RIMS2: variants seen among roughly 807,000 people sequenced by gnomAD.
The protein encoded by RIMS2 is regulating synaptic membrane exocytosis protein 2.
RIMS2 carries 59 observed loss-of-function variants against 174.4 expected under a neutral mutation model. That is an observed-to-expected ratio of 0.34 (90% confidence interval 0.27 to 0.42). The LOEUF is 0.42. RIMS2 is among the 10% of genes least tolerant of loss of function. The pLI, the probability that RIMS2 is intolerant of heterozygous loss-of-function variation, is 1.00. For missense variants in RIMS2, 1,620 were observed against 1,666.3 expected (o/e 0.97, Z 0.48); for synonymous variants, 606 against 572.5 (o/e 1.06, Z -0.84).
intron 3 of RIMS2, among the ~76,000 whole-genome samples, chr8:103,793,263 A>C (rs1015117554): frequency 1.4e-4 from 22 of 152,220 alleles, no homozygotes; most frequent in African/African-American, 4.8e-4. Flanking sequence ...CCTGGGATGG[A>C]AGGCTGGTTC....
At chr8:104,219,991 T>C in intron 19 of RIMS2, among the ~76,000 whole-genome samples, 1 of 152,300 alleles carries the variant, frequency 6.6e-6, no homozygotes, top group East Asian at 1.9e-4. Flanking sequence ...AAACCAGAAA[T>C]ATTATTTAGA....
chr8:104,165,385 C>T (rs887734585), intron 19 of RIMS2, among the ~76,000 whole-genome samples: 3 of 151,964 alleles, frequency 2.0e-5, no homozygotes, highest in Non-Finnish European at 1.5e-5. Context: ...TTTATTATTC[C>T]TTAGACCTAC....
intron 1 of RIMS2, among the ~76,000 whole-genome samples, chr8:103,690,725 T>C (rs995616180): frequency 6.6e-6 from 1 of 152,248 alleles, no homozygotes; most frequent in African/African-American, 2.4e-5. Context: ...CTATTCAAGA[T>C]ATCAGTAGTT....
intron 19 of RIMS2, among the ~76,000 whole-genome samples, chr8:104,070,680 A>G (rs2097181207): frequency 6.6e-6 from 1 of 152,034 alleles, no homozygotes; most frequent in African/African-American, 2.4e-5. Flanking sequence ...AAGATACTAA[A>G]TTTTTTGTAA....
chr8:104,126,930 G>A (rs978197437), intron 19 of RIMS2, among the ~76,000 whole-genome samples: 2 of 152,170 alleles, frequency 1.3e-5, no homozygotes, highest in African/African-American at 4.8e-5. Context: ...GAGAGGAATG[G>A]CAAGTTTTCA....
chr8:103,727,679 A>G (rs1434274792), intron 2 of RIMS2, among the ~76,000 whole-genome samples: 1 of 152,188 alleles, frequency 6.6e-6, no homozygotes, highest in Non-Finnish European at 1.5e-5. Context: ...CCCCATCACC[A>G]TTTATTGAGG....
In RIMS2 at chr8:103,848,790, A is replaced by G. The variant is rs1263181009; in HGVS notation, c.699-36508A>G. 2.0e-5 allele frequency among the ~76,000 whole-genome samples: 3 copies of G among 152,006 alleles called. No individual in the cohort carries two copies. In the East Asian group the frequency reaches 5.8e-4, roughly 29 times the overall value. On this transcript the variant is annotated intron_variant, in intron 3 of 23. Transcript: ENST00000504942. ...TCTGACAGGACCCTCACTTTACCATAGAAGATTTGCTTAGGCTGAGAATTT... is the reference window on the plus strand; with the variant it reads ...TCTGACAGGACCCTCACTTTACCATGGAAGATTTGCTTAGGCTGAGAATTT...
At chr8:103,658,594 T>A (rs190920863) in intron 1 of RIMS2, among the ~76,000 whole-genome samples, 56 of 152,260 alleles carry the variant, frequency 3.7e-4, no homozygotes, top group African/African-American at 1.3e-3. Context: ...GTTTAAGGAC[T>A]CCCAGTGGAG....
At chr8:103,963,089 T>C (rs938728211) in intron 15 of RIMS2, among the ~76,000 whole-genome samples, 1 of 152,140 alleles carries the variant, frequency 6.6e-6, no homozygotes, top group Non-Finnish European at 1.5e-5. Flanking sequence ...ATTTCCTCTT[T>C]ATAGCCTTTT....
chr8:103,543,226 A>G (rs958516412), intron 1 of RIMS2, among the ~76,000 whole-genome samples: 1 of 152,198 alleles, frequency 6.6e-6, no homozygotes, highest in East Asian at 1.9e-4. Flanking sequence ...TGCAGTAAGA[A>G]TGACGTACTG....
chr8:104,221,818 TGTGCAATG>T (rs2099156717), intron 19 of RIMS2, among the ~76,000 whole-genome samples: 2 of 152,242 alleles, frequency 1.3e-5, no homozygotes, highest in Non-Finnish European at 2.9e-5. Context: ...TAAATTGTGA[TGTGCAATG>T]GACAAACAAA....
chr8:103,704,150 C>T (rs1351477812), intron 2 of RIMS2, among the ~76,000 whole-genome samples: 1 of 148,218 alleles, frequency 6.7e-6, no homozygotes, highest in Non-Finnish European at 1.5e-5. Flanking sequence ...TATTTTCAGG[C>T]ATGTTTCTTT....
chr8:103,618,551 G>A (rs952064234), intron 1 of RIMS2, among the ~76,000 whole-genome samples: 3 of 152,112 alleles, frequency 2.0e-5, no homozygotes, highest in African/African-American at 7.2e-5. Context: ...AGAATGAGAG[G>A]AAGGGAATTA....
chr8:103,736,587 T>C (rs1465755734), intron 2 of RIMS2, among the ~76,000 whole-genome samples: 1 of 152,210 alleles, frequency 6.6e-6, no homozygotes, highest in Non-Finnish European at 1.5e-5. Context: ...TATGTCCAGT[T>C]ATGAATTGGC....
At chr8:103,945,598 A>G (rs2083529577) in intron 14 of RIMS2, among the ~76,000 whole-genome samples, 1 of 152,124 alleles carries the variant, frequency 6.6e-6, no homozygotes. Flanking sequence ...CCATAACCAA[A>G]AGGGATTTAT....
chr8:104,090,563 C>G (rs1279990232), intron 19 of RIMS2, among the ~76,000 whole-genome samples: 2 of 151,632 alleles, frequency 1.3e-5, no homozygotes, highest in African/African-American at 4.8e-5. Context: ...CTTTGGATGT[C>G]AGGATAAGGT....
chr8:103,863,997 C>T (rs2099072874), intron 3 of RIMS2, among the ~76,000 whole-genome samples: 1 of 151,894 alleles, frequency 6.6e-6, no homozygotes, highest in Non-Finnish European at 1.5e-5. Context: ...CAACCTCCGC[C>T]TCCTGGGTTC....
chr8:103,763,635 G>T (rs2140184673), intron 2 of RIMS2, among the ~76,000 whole-genome samples: 1 of 152,218 alleles, frequency 6.6e-6, no homozygotes, highest in Middle Eastern at 3.4e-3. Flanking sequence ...AGTGTGCATA[G>T]CCCAGGCAAT....
At chr8:104,094,285 A>G (rs534295393) in intron 19 of RIMS2, among the ~76,000 whole-genome samples, 7 of 152,178 alleles carry the variant, frequency 4.6e-5, no homozygotes, top group African/African-American at 1.4e-4. Flanking sequence ...AAAAACTATT[A>G]CAATTAAGTG....
Sources: gnomAD v4.1 joint callset for allele counts (sites outside exome capture counted in the v4.1 genomes callset) on GRCh38, gnomAD v4.1.1 for gene constraint, MANE v1.5 for transcripts, NCBI Gene and HGNC (gene_info 2026-07-23, HGNC 2026-07-21) for gene names.